PLG: variants seen among roughly 807,000 people sequenced by gnomAD.
PLG encodes plasmin.
In PLG, 41 loss-of-function variants were observed where a neutral mutation model predicts 104.4. That is an observed-to-expected ratio of 0.39 (90% CI 0.31 to 0.51). The LOEUF (loss-of-function observed/expected upper bound fraction) is 0.51, where lower values mean the gene tolerates loss of function less well. Among genes scored for constraint, PLG ranks in the 20% least tolerant of loss-of-function variants. The probability of loss-of-function intolerance (pLI) is 0.76; values close to 1 mark genes in which losing one functional copy is unlikely to be tolerated. For missense variants in PLG, 891 were observed against 1,003.6 expected, an observed-to-expected ratio of 0.89 and a Z score of 1.52; for synonymous variants, 337 against 357.1, an observed-to-expected ratio of 0.94 and a Z score of 0.63.
intron 1 of PLG, among the ~76,000 whole-genome samples, chr6:160,703,337 T>A (rs1233628515): frequency 6.6e-6 from 1 of 151,810 alleles, no homozygotes; most frequent in Non-Finnish European, 1.5e-5. Context: ...TACAATCCAA[T>A]GGATTTCAAG....
intron 17 of PLG, among the ~76,000 whole-genome samples, chr6:160,748,814 C>T (rs1185487598): frequency 6.6e-6 from 1 of 152,196 alleles, no homozygotes; most frequent in African/African-American, 2.4e-5. Flanking sequence ...TGTGGTGGCT[C>T]TGGCTCTGCC....
rs1463494040 is a variant in PLG at position 160,744,985 on chromosome 6, G to C, written c.2125+3568G>C. Among the ~76,000 whole-genome samples the C allele has an allele frequency of 6.6e-6, 1 of 152,076 alleles. No individual in the cohort carries two copies. The highest frequency in any genetic ancestry group is 1.5e-5 in the Non-Finnish European group (1 of 67,980). On this transcript the variant is annotated intron_variant, in intron 17 of 18. Coordinates refer to ENST00000308192, the MANE Select transcript of PLG (RefSeq NM_000301.5). The surrounding 1 kb of genome is among the most constrained non-coding windows in gnomAD (Gnocchi z 4.5). ...GGTTTTGAGTTATTTTCTTAGTCTTGACTGGTATTTCATTGTGCTGTGGTC... is the reference window on the plus strand; with the variant it reads ...GGTTTTGAGTTATTTTCTTAGTCTTCACTGGTATTTCATTGTGCTGTGGTC...
intron 3 of PLG, among the ~76,000 whole-genome samples, chr6:160,709,994 G>A (rs1297249017): frequency 1.3e-5 from 2 of 152,168 alleles, no homozygotes; most frequent in African/African-American, 4.8e-5. Context: ...CGAATATGGG[G>A]TCACCAGTAG....
At chr6:160,743,505 A>AT (rs1305123274) in intron 17 of PLG, among the ~76,000 whole-genome samples, 1 of 152,064 alleles carries the variant, frequency 6.6e-6, no homozygotes, top group Non-Finnish European at 1.5e-5. Flanking sequence ...TTGTACATTG[A>AT]TTTTATATCC....
In PLG at chr6:160,732,953, CTCCTG is replaced by C. The variant is rs763211154; in HGVS notation, c.1588-1040_1588-1036del. Among the ~76,000 whole-genome samples, 1 of 152,154 alleles carries C rather than the reference CTCCTG, an allele frequency of 6.6e-6. No homozygotes were observed. Among genetic ancestry groups the C allele is most frequent in the Admixed American group, 6.5e-5 (1 of 15,284 alleles). ...CCATTGGAGACCAGCTCACCTTCAG[CTCCTG>C]TTCCCTCCCTGGAAGTTGGACGTGG... On this transcript the variant is annotated intron_variant, in intron 12 of 18. Transcript: ENST00000308192. The surrounding 1 kb of genome is among the most constrained non-coding windows in gnomAD (Gnocchi z 4.5).
In PLG at chr6:160,722,540, A is replaced by G. The variant is rs757425055; in HGVS notation, c.1229A>G (p.Gln410Arg). Residue 410 changes from glutamine to arginine, a missense_variant, in exon 10 of 19, where the codon CAG (glutamine) becomes CGG (arginine). By Grantham distance (43) the Gln-to-Arg change is conservative (BLOSUM62 1). Coordinates refer to ENST00000308192, the MANE Select transcript of PLG (RefSeq NM_000301.5). ...SWSSMTPHRH[Q>R]KTPENYPNAG... ...TCATCTATGACACCACACCGGCACC[A>G]GAAGACCCCAGAAAACTACCCAAAT... 3 of 1,613,942 alleles carry G rather than the reference A, an allele frequency of 1.9e-6. No individual in the cohort carries two copies. Among genetic ancestry groups the G allele is most frequent in the Non-Finnish European group, 2.5e-6 (3 of 1,179,930 alleles).
Position 160,711,104 on chromosome 6 carries a change from A to G in PLG, c.320A>G (p.Asn107Ser). ...KVYLSECKTG[N>S]GKNYRGTMSK... ...TATCTCTCAGAGTGCAAGACTGGGA[A>G]TGGAAAGAACTACAGAGGGACGATG... The change falls in exon 4 of 19, where the codon AAT becomes AGT. Residue 107 changes from asparagine to serine, a missense_variant. By Grantham distance (46) the Asn-to-Ser change is conservative (BLOSUM62 1). Transcript: ENST00000308192. 6.2e-7 allele frequency: 1 copy of G among 1,612,230 alleles called. No individual in the cohort carries two copies. The highest frequency in any genetic ancestry group is 8.5e-7 in the Non-Finnish European group (1 of 1,178,268).
Position 160,731,810 on chromosome 6 carries a change from T to G in PLG, c.1504T>G (p.Cys502Gly). ...KRATTVTGTP[C>G]QDWAAQEPHR... ...GGCGACCACTGTTACTGGGACGCCATGCCAGGACTGGGCTGCCCAGGAGCC... is the reference window on the plus strand; with the variant it reads ...GGCGACCACTGTTACTGGGACGCCAGGCCAGGACTGGGCTGCCCAGGAGCC... The change falls in exon 12 of 19, where the codon TGC becomes GGC. Residue 502 changes from cysteine (C) to glycine (G), a missense_variant. Cys to Gly is a radical substitution (Grantham distance 159, BLOSUM62 -3). Transcript: ENST00000308192. This position sits in a 1 kb window ranked among gnomAD's most constrained non-coding sequence, Gnocchi z 5.1. The G allele has an allele frequency of 6.2e-7, 1 of 1,614,020 alleles. No homozygotes were observed. Among genetic ancestry groups the G allele is most frequent in the Non-Finnish European group, 8.5e-7 (1 of 1,179,886 alleles).
rs1228090164 is a variant in PLG, at chr6:160,732,685, G to A, written c.1587+792G>A. 6.6e-6 allele frequency among the ~76,000 whole-genome samples: 1 copy of A among 152,138 alleles called. No individual in the cohort carries two copies. Among genetic ancestry groups the A allele is most frequent in the Non-Finnish European group, 1.5e-5 (1 of 68,026 alleles). Reference sequence around the variant, plus strand: ...CTAGAGTGGCTCACAGAACTCAGGGGAACACGTTACTTTTATTTACCCATT... The same window carrying A: ...CTAGAGTGGCTCACAGAACTCAGGGAAACACGTTACTTTTATTTACCCATT... On this transcript the variant is annotated intron_variant, in intron 12 of 18. Transcript: ENST00000308192. The surrounding 1 kb of genome is among the most constrained non-coding windows in gnomAD (Gnocchi z 4.5).
rs755045212 is a variant in PLG, at chr6:160,731,374, G to C, written c.1438+142G>C. ...GTCTGCCATGTGGAAGGAAGCCTCAGTGCACTCTCTCAAGGAGGCAGAGGT... is the reference window on the plus strand; with the variant it reads ...GTCTGCCATGTGGAAGGAAGCCTCACTGCACTCTCTCAAGGAGGCAGAGGT... On this transcript the variant is annotated intron_variant, in intron 11 of 18. Transcript: ENST00000308192. This position sits in a 1 kb window ranked among gnomAD's most constrained non-coding sequence, Gnocchi z 5.1. 5.0e-6 allele frequency: 4 copies of C among 806,488 alleles called. No homozygotes were observed. The highest frequency in any genetic ancestry group is 8.3e-6 in the Non-Finnish European group (4 of 480,218). The allele number at this position is 806,488 out of a possible 1,614,324, so 50.0% of individuals were successfully genotyped here.
At chr6:160,749,899 C>T (rs1469061159) in intron 17 of PLG, among the ~76,000 whole-genome samples, 1 of 144,458 alleles carries the variant, frequency 6.9e-6, no homozygotes, top group Non-Finnish European at 1.5e-5. Context: ...ACCATTCCAC[C>T]ACTGCCACCA....
chr6:160,746,965 C>T (rs1778287040), intron 17 of PLG, among the ~76,000 whole-genome samples: 1 of 152,180 alleles, frequency 6.6e-6, no homozygotes, highest in Admixed American at 6.5e-5. Flanking sequence ...TCTCTTAATC[C>T]ATAATTTCAG....
rs141062598 is a variant in PLG at position 160,744,120 on chromosome 6, T to C, written c.2125+2703T>C. On this transcript the variant is annotated intron_variant, in intron 17 of 18. Coordinates refer to ENST00000308192, the MANE Select transcript of PLG (RefSeq NM_000301.5). The surrounding 1 kb of genome is among the most constrained non-coding windows in gnomAD (Gnocchi z 4.5). The stretch of plus-strand genomic sequence containing the variant: ...ATCAAGGATATTGGCCTGAAGTTTT[T>C]TGTTGTTTTTGTGTCTCTGCCAGGT... Among the ~76,000 whole-genome samples the C allele has an allele frequency of 3.4e-4, 51 of 152,194 alleles. No homozygotes were observed. Among genetic ancestry groups the C allele is most frequent in the African/African-American group, 5.1e-4 (21 of 41,546 alleles).
chr6:160,712,014 C>T (rs1853017), intron 4 of PLG: 228,987 of 784,020 alleles, frequency 0.29, 36,082 homozygotes, highest in African/African-American at 0.48. Context: ...TGTTACTCAC[C>T]TTTATCCATT....
rs762826303 is a variant in PLG at position 160,706,376 on chromosome 6, C to A, written c.50-31C>A. On this transcript the variant is annotated intron_variant, in intron 1 of 18. Coordinates refer to ENST00000308192, the MANE Select transcript of PLG (RefSeq NM_000301.5). The stretch of plus-strand genomic sequence containing the variant: ...TAGACATTGACATTGATTTACTGAC[C>A]ATTTATTCCACTTGGATCTCCCACC... 26 of 1,610,980 alleles carry A rather than the reference C, an allele frequency of 1.6e-5. No homozygotes were observed. In the South Asian group the frequency reaches 2.9e-4, roughly 18 times the overall value.
At chr6:160,750,179 C>T (rs946163082) in intron 17 of PLG, among the ~76,000 whole-genome samples, 4 of 152,180 alleles carry the variant, frequency 2.6e-5, no homozygotes, top group Non-Finnish European at 4.4e-5. Context: ...ATATTCCAAA[C>T]GCAGAGTTTG....
intron 4 of PLG, chr6:160,711,600 G>T: frequency 6.2e-7 from 1 of 1,609,850 alleles, no homozygotes; most frequent in Non-Finnish European, 8.5e-7. Context: ...GAATCTTTTT[G>T]ATGTCGATGT....
intron 3 of PLG, 104 bp from the exon 4 acceptor site, chr6:160,710,972 AG>A (rs1777628423): frequency 1.0e-6 from 1 of 976,076 alleles, no homozygotes; most frequent in East Asian, 2.4e-5. Flanking sequence ...AAGCAGAAAC[AG>A]GGGGTCTGGT....
intron 4 of PLG, 29 bp downstream of exon 4, chr6:160,711,220 C>T: frequency 4.4e-6 from 7 of 1,605,204 alleles, no homozygotes; most frequent in Non-Finnish European, 5.1e-6. Flanking sequence ...TCTTTGTGTT[C>T]ATCTACTGTA....
Sources: gnomAD v4.1 joint callset for allele counts (sites outside exome capture counted in the v4.1 genomes callset) on GRCh38, gnomAD v4.1.1 for gene constraint, Gnocchi (gnomAD v3.1) non-coding constraint, MANE v1.5 for transcripts, NCBI Gene and HGNC (gene_info 2026-07-23, HGNC 2026-07-21) for gene names.